Variants in FGD4 observed in about 807,000 individuals in gnomAD.
The protein encoded by FGD4 is FYVE, RhoGEF and PH domain-containing protein 4.
Under a neutral mutation model 102.0 loss-of-function variants are expected in FGD4, and 42 were observed. The ratio of observed to expected loss-of-function variants is 0.41; its 90% CI spans 0.32 to 0.53. The LOEUF (loss-of-function observed/expected upper bound fraction) is 0.53, where lower values mean the gene tolerates loss of function less well. FGD4 is among the 20% of genes least tolerant of loss of function. The probability of loss-of-function intolerance (pLI) is 0.21; values close to 1 mark genes in which losing one functional copy is unlikely to be tolerated. For synonymous variants in FGD4, 380 were observed against 375.7 expected (o/e 1.01, Z -0.13); for missense variants, 902 against 1,078.2 (o/e 0.84, Z 2.29).
At chr12:32,561,087 T>TTG in intron 1 of FGD4, among the ~76,000 whole-genome samples, 2 of 121,854 alleles carry the variant, frequency 1.6e-5, no homozygotes, top group African/African-American at 6.3e-5. Context: ...TTTTTTTTTT[T>TTG]TTTTTTTTTT....
At chr12:32,450,609 A>G (rs1032292356) in intron 1 of FGD4, among the ~76,000 whole-genome samples, 12 of 152,164 alleles carry the variant, frequency 7.9e-5, no homozygotes, top group Non-Finnish European at 1.8e-4. Flanking sequence ...TCTTAGTGGA[A>G]AAGGGTGTAT....
intron 1 of FGD4, among the ~76,000 whole-genome samples, chr12:32,462,399 A>G (rs1350726811): frequency 1.3e-5 from 2 of 151,504 alleles, no homozygotes; most frequent in Non-Finnish European, 2.9e-5. Context: ...GACCTCAGGC[A>G]ATCTGCCCAC....
chr12:32,475,602 A>G (rs1456935797), intron 1 of FGD4, among the ~76,000 whole-genome samples: 1 of 152,224 alleles, frequency 6.6e-6, no homozygotes, highest in Non-Finnish European at 1.5e-5. Context: ...TCTCCATCCC[A>G]GACTTTCTAG....
chr12:32,493,594 G>T (rs1234931730), intron 1 of FGD4, among the ~76,000 whole-genome samples: 1 of 152,196 alleles, frequency 6.6e-6, no homozygotes, highest in African/African-American at 2.4e-5. Context: ...ACCAACAGTG[G>T]TGTAGCCCAG....
At chr12:32,531,628 G>A (rs1189560198) in intron 1 of FGD4, among the ~76,000 whole-genome samples, 1 of 152,166 alleles carries the variant, frequency 6.6e-6, no homozygotes, top group African/African-American at 2.4e-5. Context: ...TTGCTGTGTG[G>A]TATGCCATTG....
chr12:32,606,758 T>A (rs1481833286), intron 7 of FGD4, among the ~76,000 whole-genome samples: 1 of 152,202 alleles, frequency 6.6e-6, no homozygotes, highest in Non-Finnish European at 1.5e-5. Flanking sequence ...TTCTGCTTTG[T>A]TTAACAGGAA....
intron 2 of FGD4, among the ~76,000 whole-genome samples, chr12:32,565,836 T>C (rs1945144252): frequency 6.6e-6 from 1 of 152,232 alleles, no homozygotes. Context: ...TATACTTTTC[T>C]AACTAAAGGG....
intron 14 of FGD4, among the ~76,000 whole-genome samples, chr12:32,631,981 G>A (rs546090810): frequency 6.6e-6 from 1 of 152,180 alleles, no homozygotes; most frequent in African/African-American, 2.4e-5. Flanking sequence ...TAATGAGTTT[G>A]CGGTTACAGG....
intron 1 of FGD4, among the ~76,000 whole-genome samples, chr12:32,436,138 C>A (rs754032244): frequency 5.9e-5 from 9 of 152,086 alleles, no homozygotes; most frequent in Admixed American, 3.3e-4. Context: ...TACAGTGTAG[C>A]CCTCCTATTA....
At position 32,523,830 on chromosome 12, in the gene FGD4, T is replaced by A. The variant is rs572992487; in HGVS notation, c.167-40307T>A. 2.3e-4 allele frequency among the ~76,000 whole-genome samples: 34 copies of A among 149,920 alleles called. 1 individual carries two copies. The highest frequency in any genetic ancestry group is 7.0e-3 in the Middle Eastern group (2 of 286). On this transcript the variant is annotated intron_variant, in intron 1 of 16. Transcript: ENST00000534526. Reference sequence around the variant, plus strand: ...TCTGCTAAAAATACAAAAACAAAATTAGCCGGGCGTTGTGGCAGGCACCTG... The same window carrying A: ...TCTGCTAAAAATACAAAAACAAAATAAGCCGGGCGTTGTGGCAGGCACCTG...
At chr12:32,587,654 G>A (rs186284730) in intron 4 of FGD4, among the ~76,000 whole-genome samples, 1 of 152,200 alleles carries the variant, frequency 6.6e-6, no homozygotes, top group East Asian at 1.9e-4. Context: ...GCCTCCCAAA[G>A]TGCTGACAGG....
chr12:32,510,769 T>G lies in FGD4; in HGVS notation c.167-53368T>G, dbSNP rs539919349. Among the ~76,000 whole-genome samples, 216 of 152,330 alleles carry G rather than the reference T, an allele frequency of 1.4e-3. 1 individual carries two copies. Among genetic ancestry groups the G allele is most frequent in the South Asian group, 8.1e-3 (39 of 4,828 alleles). ...ATTTAAATATAAATTAGACAGATAC[T>G]TGTAAGAGATATTGTAGACAAGATT... On this transcript the variant is annotated intron_variant, in intron 1 of 16. Transcript: ENST00000534526.
intron 1 of FGD4, among the ~76,000 whole-genome samples, chr12:32,476,626 A>G (rs1479158002): frequency 6.6e-6 from 1 of 152,190 alleles, no homozygotes; most frequent in Non-Finnish European, 1.5e-5. Context: ...GTGCAGGGCT[A>G]TGTGCCTGTA....
chr12:32,483,811 G>A (rs1387156982), intron 1 of FGD4, among the ~76,000 whole-genome samples: 1 of 152,162 alleles, frequency 6.6e-6, no homozygotes, highest in Non-Finnish European at 1.5e-5. Context: ...ACCTGGATGA[G>A]GATGATGGCT....
chr12:32,584,176 T>C (rs1193577208), intron 4 of FGD4, among the ~76,000 whole-genome samples: 1 of 152,320 alleles, frequency 6.6e-6, no homozygotes, highest in East Asian at 1.9e-4. Flanking sequence ...ACATGCTGTA[T>C]GTGGGAAGAA....
chr12:32,620,507 A>ATTTT (rs1295131642), intron 11 of FGD4, among the ~76,000 whole-genome samples: 1 of 123,634 alleles, frequency 8.1e-6, no homozygotes, highest in African/African-American at 3.3e-5. Context: ...AGCCATAACC[A>ATTTT]TTTTTTTTCT....
At chr12:32,495,448 G>A (rs1937737916) in intron 1 of FGD4, among the ~76,000 whole-genome samples, 5 of 152,130 alleles carry the variant, frequency 3.3e-5, no homozygotes, top group Admixed American at 2.0e-4. Flanking sequence ...TGTAATCCCA[G>A]CACTTTGGGA....
At chr12:32,483,490 A>G (rs528263673) in intron 1 of FGD4, among the ~76,000 whole-genome samples, 1 of 152,314 alleles carries the variant, frequency 6.6e-6, no homozygotes, top group South Asian at 2.1e-4. Context: ...ATTCCATATA[A>G]CTTTTCTTTT....
At chr12:32,597,320 G>T (rs767591732) in intron 4 of FGD4, among the ~76,000 whole-genome samples, 8 of 152,184 alleles carry the variant, frequency 5.3e-5, no homozygotes, top group Non-Finnish European at 8.8e-5. Flanking sequence ...CTTAAAGGAT[G>T]AATGCTAAAG....
Sources: allele counts gnomAD v4.1 joint callset (sites outside exome capture counted in the v4.1 genomes callset), GRCh38; gene constraint gnomAD v4.1.1; transcripts MANE v1.5; gene names NCBI Gene and HGNC (gene_info 2026-07-23, HGNC 2026-07-21).